Variants in PLCG2 observed in about 807,000 individuals in gnomAD.
PLCG2 encodes the protein phospholipase C gamma 2.
Under a neutral mutation model 175.6 loss-of-function variants are expected in PLCG2, and 69 were observed. The ratio of observed to expected loss-of-function variants is 0.39; its 90% CI spans 0.32 to 0.48. The LOEUF is 0.48. Among genes scored for constraint, PLCG2 ranks in the 20% least tolerant of loss-of-function variants. The probability of loss-of-function intolerance (pLI) is 0.91; values close to 1 mark genes in which losing one functional copy is unlikely to be tolerated. For missense variants in PLCG2, 1,798 were observed against 1,650.9 expected (o/e 1.09, Z -1.54); for synonymous variants, 827 against 624.0 (o/e 1.33, Z -4.85).
chr16:81,961,280 A>G lies in PLCG2; in HGVS notation c.*3282A>G, dbSNP rs1433910819. 3.5e-5 allele frequency: 8 copies of G among 225,620 alleles called. No individual in the cohort carries two copies. Among genetic ancestry groups the G allele is most frequent in the Non-Finnish European group, 4.4e-5 (5 of 113,486 alleles). The allele number at this position is 225,620 out of a possible 1,614,324, so 14.0% of individuals were successfully genotyped here. On this transcript the variant is annotated 3_prime_UTR_variant, in exon 33 of 33. Coordinates refer to ENST00000564138, the MANE Select transcript of PLCG2 (RefSeq NM_002661.5). ...ATAAATGAAATTGAAAACGGAAAAT[A>G]GAATTGATGATGAACTTTGGCTCAA...
At chr16:81,801,023 C>T (rs1168939005) in intron 2 of PLCG2, among the ~76,000 whole-genome samples, 3 of 152,226 alleles carry the variant, frequency 2.0e-5, no homozygotes, top group African/African-American at 2.4e-5. Context: ...TCATTCTCCC[C>T]TAGAGGGTCT....
At chr16:81,929,355 C>T (rs1207665969) in intron 24 of PLCG2, among the ~76,000 whole-genome samples, 2 of 152,212 alleles carry the variant, frequency 1.3e-5, no homozygotes, top group Non-Finnish European at 2.9e-5. Flanking sequence ...CAGGAACTTC[C>T]TGCTTCTATT....
At chr16:81,803,107 A>C (rs1344444659) in intron 2 of PLCG2, among the ~76,000 whole-genome samples, 2 of 137,022 alleles carry the variant, frequency 1.5e-5, no homozygotes, top group Admixed American at 1.5e-4. Context: ...GGCTTTTTGC[A>C]TTTCACTTTT....
chr16:81,886,320 C>T (rs796597042), intron 9 of PLCG2, among the ~76,000 whole-genome samples: 1 of 152,278 alleles, frequency 6.6e-6, no homozygotes, highest in African/African-American at 2.4e-5. Flanking sequence ...AGTTAGGACC[C>T]GAGCAGCCAT....
chr16:81,787,662 C>T (rs1381750227), intron 2 of PLCG2, among the ~76,000 whole-genome samples: 1 of 151,828 alleles, frequency 6.6e-6, no homozygotes, highest in Admixed American at 6.6e-5. Context: ...GCAAGCACCA[C>T]TCCAATCAAA....
intron 18 of PLCG2, among the ~76,000 whole-genome samples, chr16:81,911,065 A>G (rs181708369): frequency 8.5e-4 from 130 of 152,302 alleles, no homozygotes; most frequent in African/African-American, 2.9e-3. Context: ...ATGAACAAGG[A>G]AACAATGATT....
chr16:81,756,495 T>C (rs1909930218), intron 2 of PLCG2, among the ~76,000 whole-genome samples: 2 of 152,218 alleles, frequency 1.3e-5, no homozygotes, highest in South Asian at 4.1e-4. Context: ...GGTCACACAG[T>C]GGAGGAGCCA....
intron 7 of PLCG2, among the ~76,000 whole-genome samples, chr16:81,877,961 C>CT (rs1206892310): frequency 1.9e-4 from 22 of 118,410 alleles, no homozygotes; most frequent in East Asian, 7.9e-4. Flanking sequence ...AAATCTCCCT[C>CT]TTTTTTTTTT....
chr16:81,798,750 G>A (rs115357520), intron 2 of PLCG2: 5,414 of 152,446 alleles, frequency 0.036, 180 homozygotes, highest in African/African-American at 0.091. Context: ...AATTAGGCAA[G>A]GCATGGTGAG....
chr16:81,811,915 T>G (rs1184625513), intron 2 of PLCG2, among the ~76,000 whole-genome samples: 2 of 152,182 alleles, frequency 1.3e-5, no homozygotes, highest in Non-Finnish European at 2.9e-5. Flanking sequence ...AAATGGTATT[T>G]CTGGTGCTAG....
At chr16:81,938,542 A>G (rs2076135515) in intron 28 of PLCG2, 1 of 513,978 alleles carries the variant, frequency 1.9e-6, no homozygotes, top group Non-Finnish European at 3.5e-6. Context: ...GTGTGCATTC[A>G]TGAGCTCAGG....
chr16:81,742,487 G>T (rs1440881671), intron 1 of PLCG2, among the ~76,000 whole-genome samples: 1 of 152,162 alleles, frequency 6.6e-6, no homozygotes, highest in Non-Finnish European at 1.5e-5. Context: ...CCCATGCAGG[G>T]TGAAGGAGGG....
chr16:81,797,780 G>C, intron 2 of PLCG2, among the ~76,000 whole-genome samples: 2 of 152,180 alleles, frequency 1.3e-5, no homozygotes, highest in South Asian at 4.1e-4. Context: ...CTTAGTGACT[G>C]TGTGACCTTA....
At chr16:81,739,948 G>T (rs1395215852) in intron 1 of PLCG2, among the ~76,000 whole-genome samples, 3 of 151,892 alleles carry the variant, frequency 2.0e-5, no homozygotes, top group Non-Finnish European at 2.9e-5. Flanking sequence ...AACCAGCCTG[G>T]CCAAGATAGT....
chr16:81,922,980 G>A (rs1005348912), intron 21 of PLCG2, among the ~76,000 whole-genome samples: 2 of 152,062 alleles, frequency 1.3e-5, no homozygotes, highest in Non-Finnish European at 2.9e-5. Flanking sequence ...GTAGATAGGG[G>A]ACTGCTGACC....
At chr16:81,952,443 A>G (rs1281880094) in intron 31 of PLCG2, among the ~76,000 whole-genome samples, 1 of 152,150 alleles carries the variant, frequency 6.6e-6, no homozygotes, top group Non-Finnish European at 1.5e-5. Context: ...AGGGCTCCTT[A>G]GACAAGTGGT....
At chr16:81,920,589 G>A (rs1910019635) in intron 20 of PLCG2, among the ~76,000 whole-genome samples, 1 of 152,138 alleles carries the variant, frequency 6.6e-6, no homozygotes, top group African/African-American at 2.4e-5. Flanking sequence ...ATGGGATCTG[G>A]GGAGAAGTGA....
rs41305759 is a variant in PLCG2, at chr16:81,854,669, C to G, written c.337+82C>G. The G allele has an allele frequency of 7.2e-5, 90 of 1,244,122 alleles. 1 individual carries two copies. The Admixed American group carries it at 1.6e-3, about 22-fold the overall frequency. 77.1% of individuals were successfully genotyped at this position (1,244,122 alleles called of 1,614,324 possible). ...AAGTTCGCTAATAGCAGAATGCTCA[C>G]CCCTGCCTGCTCACTGATGTGTATT... is the stretch of plus-strand genomic sequence containing the variant. On this transcript the variant is annotated intron_variant, in intron 3 of 32. Coordinates refer to ENST00000564138, the MANE Select transcript of PLCG2 (RefSeq NM_002661.5).
intron 2 of PLCG2, among the ~76,000 whole-genome samples, chr16:81,817,046 A>T (rs2143318241): frequency 1.3e-5 from 2 of 152,328 alleles, no homozygotes; most frequent in South Asian, 4.1e-4. Context: ...AAATAGAGGC[A>T]CAACCATCAC....
Sources: gnomAD v4.1 joint callset for allele counts (sites outside exome capture counted in the v4.1 genomes callset) on GRCh38, gnomAD v4.1.1 for gene constraint, MANE v1.5 for transcripts, NCBI Gene and HGNC (gene_info 2026-07-23, HGNC 2026-07-21) for gene names.